EFCAB6: variants seen among roughly 807,000 people sequenced by gnomAD.
EFCAB6 encodes the protein EF-hand calcium-binding domain-containing protein 6.
In EFCAB6, 156 loss-of-function variants were observed where a neutral mutation model predicts 169.8. The observed-to-expected ratio is 0.92, with a 90% CI of 0.81 to 1.05. EFCAB6 has a LOEUF of 1.05. EFCAB6 is among the 50% of genes least tolerant of loss of function. EFCAB6 has a pLI of 0.00. For missense variants in EFCAB6, 1,800 were observed against 1,829.1 expected (o/e 0.98, Z 0.29); for synonymous variants, 698 against 676.4 (o/e 1.03, Z -0.50).
chr22:43,699,417 G>C (rs1309231241), intron 10 of EFCAB6, among the ~76,000 whole-genome samples: 1 of 152,136 alleles, frequency 6.6e-6, no homozygotes, highest in African/African-American at 2.4e-5. Flanking sequence ...GCCTAGGAGG[G>C]ATCCTGGCTT....
At chr22:43,731,417 G>C (rs538965901) in intron 8 of EFCAB6, among the ~76,000 whole-genome samples, 1 of 152,156 alleles carries the variant, frequency 6.6e-6, no homozygotes, top group Non-Finnish European at 1.5e-5. Flanking sequence ...TTTCCAATCC[G>C]CTACAGATAT....
chr22:43,600,324 C>T, intron 22 of EFCAB6, 61 bp from the exon 23 acceptor site: 1 of 1,553,698 alleles, frequency 6.4e-7, no homozygotes, highest in Non-Finnish European at 8.8e-7. Flanking sequence ...TGCTGATGCT[C>T]AGGGTTTGGA....
At chr22:43,794,080 C>T (rs966519473) in intron 2 of EFCAB6, among the ~76,000 whole-genome samples, 2 of 151,896 alleles carry the variant, frequency 1.3e-5, no homozygotes, top group Admixed American at 6.6e-5. Context: ...GGGGATGGGG[C>T]CCAGCCATCT....
intron 2 of EFCAB6, among the ~76,000 whole-genome samples, chr22:43,808,489 AG>A (rs2062995964): frequency 6.6e-6 from 1 of 152,210 alleles, no homozygotes; most frequent in African/African-American, 2.4e-5. Flanking sequence ...CTCAAAAGGC[AG>A]GTGACCCCAA....
chr22:43,788,610 G>A (rs570075801), intron 2 of EFCAB6, among the ~76,000 whole-genome samples: 1 of 152,154 alleles, frequency 6.6e-6, no homozygotes, highest in Non-Finnish European at 1.5e-5. Flanking sequence ...AGAGATATTG[G>A]AATTCTCATA....
chr22:43,587,863 G>A (rs774332188), intron 24 of EFCAB6, among the ~76,000 whole-genome samples: 8 of 152,148 alleles, frequency 5.3e-5, no homozygotes, highest in Non-Finnish European at 8.8e-5. Flanking sequence ...GACAACAGGA[G>A]ACCAAAGAGT....
chr22:43,532,808 T>C (rs894631159), intron 30 of EFCAB6, among the ~76,000 whole-genome samples: 11 of 150,556 alleles, frequency 7.3e-5, no homozygotes, highest in African/African-American at 2.7e-4. Context: ...TTGGGTGGGG[T>C]GAGTGGGAGC....
chr22:43,627,017 A>G (rs1174891829), intron 19 of EFCAB6, among the ~76,000 whole-genome samples: 1 of 152,184 alleles, frequency 6.6e-6, no homozygotes, highest in African/African-American at 2.4e-5. Context: ...AGGAGAAAGT[A>G]CTGGAGGTTT....
intron 26 of EFCAB6, among the ~76,000 whole-genome samples, chr22:43,573,732 CAAAA>C (rs748024357): frequency 3.5e-5 from 3 of 85,334 alleles, no homozygotes; most frequent in Non-Finnish European, 2.3e-5. Flanking sequence ...TCTGTCTCAA[CAAAA>C]AAAAAAAAAA....
intron 3 of EFCAB6, among the ~76,000 whole-genome samples, chr22:43,774,569 G>C (rs375288684): frequency 1.4e-4 from 21 of 151,822 alleles, no homozygotes; most frequent in East Asian, 1.2e-3. Flanking sequence ...ACAGCCTCAG[G>C]GAGGGAGGTG....
intron 10 of EFCAB6, among the ~76,000 whole-genome samples, chr22:43,689,529 T>C (rs1482610573): frequency 1.1e-4 from 17 of 152,196 alleles, no homozygotes; most frequent in Admixed American, 1.0e-3. Flanking sequence ...CTTCATCAAA[T>C]GTGAAATCCA....
intron 11 of EFCAB6, among the ~76,000 whole-genome samples, chr22:43,684,781 T>G (rs950576106): frequency 1.3e-5 from 2 of 152,186 alleles, no homozygotes; most frequent in African/African-American, 4.8e-5. Flanking sequence ...AGCACTGGCA[T>G]GAAGAGATGC....
chr22:43,538,624 T>C (rs2047523602), intron 28 of EFCAB6, among the ~76,000 whole-genome samples: 1 of 152,188 alleles, frequency 6.6e-6, no homozygotes, highest in Admixed American at 6.5e-5. Flanking sequence ...CTTGACCTCA[T>C]GATCCACCTG....
intron 2 of EFCAB6, among the ~76,000 whole-genome samples, chr22:43,805,742 G>C (rs1009989691): frequency 1.3e-5 from 2 of 152,150 alleles, no homozygotes; most frequent in African/African-American, 4.8e-5. Context: ...AAATATCTCA[G>C]GTGATGGATA....
At chr22:43,566,793 C>A (rs1332411240) in intron 26 of EFCAB6, among the ~76,000 whole-genome samples, 2 of 152,206 alleles carry the variant, frequency 1.3e-5, no homozygotes, top group Non-Finnish European at 2.9e-5. Flanking sequence ...ACCCCTACCC[C>A]TGGAAAAGCT....
intron 18 of EFCAB6, among the ~76,000 whole-genome samples, chr22:43,634,727 G>A (rs1183660437): frequency 6.6e-6 from 1 of 152,086 alleles, no homozygotes; most frequent in Non-Finnish European, 1.5e-5. Flanking sequence ...AACCTTCTCT[G>A]TCCACAGGGA....
At chr22:43,737,546 T>C (rs1312741727) in intron 6 of EFCAB6, among the ~76,000 whole-genome samples, 1 of 143,394 alleles carries the variant, frequency 7.0e-6, no homozygotes, top group East Asian at 2.1e-4. Flanking sequence ...CACACACACA[T>C]GTATTCATAC....
chr22:43,542,021 C>G lies in EFCAB6; in HGVS notation c.3649-1664G>C, dbSNP rs929662021. Among the ~76,000 whole-genome samples, 6 of 152,356 alleles carry G rather than the reference C, an allele frequency of 3.9e-5. No homozygotes were observed. The East Asian group carries it at 1.2e-3, about 29-fold the overall frequency. The stretch of plus-strand genomic sequence containing the variant: ...GGAAGGTGCAGAACGCTGTTCTGAC[C>G]CCTCCTCCTGAGGCCCTCTCATGGA... On this transcript the variant is annotated intron_variant, in intron 27 of 31. Coordinates refer to ENST00000262726, the MANE Select transcript of EFCAB6 (RefSeq NM_022785.4).
intron 26 of EFCAB6, among the ~76,000 whole-genome samples, chr22:43,573,461 G>A (rs1196069763): frequency 2.0e-3 from 2 of 978 alleles, no homozygotes; most frequent in Non-Finnish European, 3.3e-3. Context: ...GGCTGGGCAC[G>A]GTGGCTTATG....
Sources: allele counts gnomAD v4.1 joint callset (sites outside exome capture counted in the v4.1 genomes callset), GRCh38; gene constraint gnomAD v4.1.1; transcripts MANE v1.5; gene names NCBI Gene and HGNC (gene_info 2026-07-23, HGNC 2026-07-21).